Variants in G2E3 observed in about 807,000 individuals in gnomAD.
G2E3 encodes the protein G2/M phase-specific E3 ubiquitin-protein ligase.
G2E3 carries 35 observed loss-of-function variants against 92.8 expected under a neutral mutation model. The ratio of observed to expected loss-of-function variants is 0.38; its 90% CI spans 0.29 to 0.50. The LOEUF (loss-of-function observed/expected upper bound fraction) is 0.50. G2E3 is among the 20% of genes least tolerant of loss of function. G2E3 has a pLI of 0.94. For synonymous variants in G2E3, 242 were observed against 272.4 expected, an observed-to-expected ratio of 0.89 and a Z score of 1.10; for missense variants, 554 against 823.8, an observed-to-expected ratio of 0.67 and a Z score of 4.01.
At chr14:30,607,008 A>T (rs1264948340) in intron 11 of G2E3, among the ~76,000 whole-genome samples, 1 of 152,146 alleles carries the variant, frequency 6.6e-6, no homozygotes, top group African/African-American at 2.4e-5. Context: ...TAATCAAATA[A>T]ATATAAACAA....
chr14:30,575,485 C>T (rs973917334), intron 1 of G2E3, among the ~76,000 whole-genome samples: 3 of 152,244 alleles, frequency 2.0e-5, no homozygotes, highest in South Asian at 2.1e-4. Context: ...GATACTCTCT[C>T]ACCACTTCAA....
At chr14:30,578,449 AAGTTTATTGACCCACGCC>A in intron 1 of G2E3, among the ~76,000 whole-genome samples, 1 of 152,322 alleles carries the variant, frequency 6.6e-6, no homozygotes, top group East Asian at 1.9e-4. Context: ...TGATAAAATT[AAGTTTATTGACCCACGCC>A]AGTGAGAGAG....
chr14:30,589,412 C>G lies in G2E3; in HGVS notation c.165C>G (p.Gly55=). The G allele has an allele frequency of 6.2e-7, 1 of 1,602,824 alleles. No individual in the cohort carries two copies. The highest frequency in any genetic ancestry group is 8.5e-7 in the Non-Finnish European group (1 of 1,170,808). Residue 55 remains glycine, a synonymous_variant, in exon 4 of 15, where the codon GGC becomes GGG. Coordinates refer to ENST00000206595, the MANE Select transcript of G2E3 (RefSeq NM_017769.5). ...LLMSSGIWQR[G]KEEEGVYGFL... ...TGTCAAGTGGAATTTGGCAGAGAGG[C>G]AAAGAAGAAGAAGGAGTTTATGGTT...
chr14:30,604,919 G>A (rs1417098881), intron 10 of G2E3, among the ~76,000 whole-genome samples: 5 of 151,540 alleles, frequency 3.3e-5, no homozygotes, highest in Non-Finnish European at 7.4e-5. Context: ...TTTATGAGAC[G>A]GAGTTTCGCT....
chr14:30,615,725 T>G (rs1882283493), intron 14 of G2E3, among the ~76,000 whole-genome samples, 186 bp downstream of exon 14: 1 of 152,178 alleles, frequency 6.6e-6, no homozygotes, highest in Non-Finnish European at 1.5e-5. Context: ...GAGAAAAGAT[T>G]ACAGAGTAAA....
rs2273408 is a variant in G2E3, at chr14:30,592,303, A to G, written c.238-20A>G. On this transcript the variant is annotated intron_variant, in intron 4 of 14. Coordinates refer to ENST00000206595, the MANE Select transcript of G2E3 (RefSeq NM_017769.5). ...TCAGATTTTTTATGTTGTGACCCCT[A>G]TTTTCACATACTCTTCTAGAAATGC... 38,917 of 1,608,702 alleles carry G rather than the reference A, an allele frequency of 0.024. 2,233 individuals carry two copies. The highest frequency in any genetic ancestry group is 0.23 in the Admixed American group (13,998 of 59,744).
intron 1 of G2E3, among the ~76,000 whole-genome samples, chr14:30,567,468 T>G (rs1312390629): frequency 6.6e-6 from 1 of 152,122 alleles, no homozygotes; most frequent in Non-Finnish European, 1.5e-5. Context: ...CATTTAATTC[T>G]TTTTATTTGT....
intron 3 of G2E3, among the ~76,000 whole-genome samples, chr14:30,588,587 T>C (rs1184944771): frequency 6.6e-6 from 1 of 152,164 alleles, no homozygotes; most frequent in Non-Finnish European, 1.5e-5. Flanking sequence ...TCTATTTCAT[T>C]ATGAACAGAA....
At position 30,620,013 on chromosome 14, in the gene G2E3, T is replaced by A. The variant is rs1182605777; in HGVS notation, c.*3479T>A. ...AATGAGGGAATCTGTGTTAAAACTA[T>A]GTATCCTCTAATGTAAAATAGCTTA... On this transcript the variant is annotated 3_prime_UTR_variant, in exon 15 of 15. Transcript: ENST00000206595. 1.3e-5 allele frequency: 2 copies of A among 152,208 alleles called. No individual in the cohort carries two copies. The highest frequency in any genetic ancestry group is 2.9e-5 in the Non-Finnish European group (2 of 68,026). The allele number at this position is 152,208 out of a possible 1,614,324, so 9.4% of individuals were successfully genotyped here.
At chr14:30,584,823 GT>G (rs1880615866) in intron 2 of G2E3, among the ~76,000 whole-genome samples, 3 of 121,592 alleles carry the variant, frequency 2.5e-5, no homozygotes, top group African/African-American at 9.4e-5. Flanking sequence ...TCTTGATAGT[GT>G]CCTTTTTTTT....
intron 12 of G2E3, among the ~76,000 whole-genome samples, chr14:30,609,500 TCTTA>T (rs1471474170): frequency 1.3e-5 from 2 of 152,172 alleles, no homozygotes; most frequent in Non-Finnish European, 2.9e-5. Flanking sequence ...CTTTAATGCT[TCTTA>T]CTTCTTCTTA....
intron 1 of G2E3, among the ~76,000 whole-genome samples, chr14:30,572,837 G>A (rs1328084347): frequency 6.6e-6 from 1 of 151,916 alleles, no homozygotes; most frequent in African/African-American, 2.4e-5. Flanking sequence ...CTTCTAGTTT[G>A]AGGGATGATA....
At position 30,561,147 on chromosome 14, in the gene G2E3, G is replaced by A. The variant is rs527546406; in HGVS notation, c.-5+1875G>A. Among the ~76,000 whole-genome samples, 20 of 152,286 alleles carry A rather than the reference G, an allele frequency of 1.3e-4. No individual in the cohort carries two copies. The South Asian group carries it at 3.9e-3, about 30-fold the overall frequency. On this transcript the variant is annotated intron_variant, in intron 1 of 14. Coordinates refer to ENST00000206595, the MANE Select transcript of G2E3 (RefSeq NM_017769.5). Reference sequence around the variant, plus strand: ...ATACATAAGTCTCCAATTACATTGAGTTACTAAACTGTAAAAACCGCATCA... The same window carrying A: ...ATACATAAGTCTCCAATTACATTGAATTACTAAACTGTAAAAACCGCATCA...
intron 5 of G2E3, among the ~76,000 whole-genome samples, chr14:30,592,691 A>G (rs1881081441): frequency 6.7e-6 from 1 of 149,236 alleles, no homozygotes; most frequent in Non-Finnish European, 1.5e-5. Context: ...GCTTTTGGAT[A>G]TAACATGAAA....
chr14:30,591,352 T>A (rs373325801), intron 4 of G2E3, among the ~76,000 whole-genome samples: 1 of 152,158 alleles, frequency 6.6e-6, no homozygotes, highest in Non-Finnish European at 1.5e-5. Context: ...AATGATTGAT[T>A]CATTTAATAA....
rs1037046881 is a variant in G2E3, at chr14:30,617,212, C to G, written c.*678C>G. ...ATAAGGGAGGCTGAGGTGGGAGAAT[C>G]GAGATACTCAGCCAGCCTGGCAATG... is the stretch of plus-strand genomic sequence containing the variant. On this transcript the variant is annotated 3_prime_UTR_variant, in exon 15 of 15. Coordinates refer to ENST00000206595, the MANE Select transcript of G2E3 (RefSeq NM_017769.5). 1.3e-5 allele frequency: 2 copies of G among 151,606 alleles called. No individual in the cohort carries two copies. The highest frequency in any genetic ancestry group is 1.9e-4 in the East Asian group (1 of 5,162). 9.4% of individuals were successfully genotyped at this position (151,606 alleles called of 1,614,324 possible).
chr14:30,586,920 A>G (rs1377942034), intron 3 of G2E3, 105 bp downstream of exon 3: 3 of 427,020 alleles, frequency 7.0e-6, no homozygotes, highest in Admixed American at 4.3e-5. Context: ...TAACTTCTCC[A>G]GATCTCATTT....
intron 11 of G2E3, among the ~76,000 whole-genome samples, chr14:30,607,241 A>G (rs997117352): frequency 6.6e-6 from 1 of 152,180 alleles, no homozygotes; most frequent in African/African-American, 2.4e-5. Context: ...ATATACACAA[A>G]GAGGTACAAG....
chr14:30,608,163 A>G (rs546478680), intron 12 of G2E3, 94 bp downstream of exon 12: 221 of 704,406 alleles, frequency 3.1e-4, no homozygotes, highest in African/African-American at 2.6e-3. Context: ...AGTATTATCT[A>G]TGAAGGAGTT....
Sources: allele counts gnomAD v4.1 joint callset (sites outside exome capture counted in the v4.1 genomes callset), GRCh38; gene constraint gnomAD v4.1.1; transcripts MANE v1.5; gene names NCBI Gene and HGNC (gene_info 2026-07-23, HGNC 2026-07-21).